Variants in STK3 observed in about 807,000 individuals in gnomAD.
STK3 encodes serine/threonine-protein kinase 3.
In STK3, 41 loss-of-function variants were observed where a neutral mutation model predicts 58.0. The observed-to-expected ratio is 0.71, with a 90% confidence interval of 0.55 to 0.92. The LOEUF (loss-of-function observed/expected upper bound fraction) is 0.92. Among genes scored for constraint, STK3 ranks in the 40% least tolerant of loss-of-function variants. STK3 has a pLI of 0.00. For synonymous variants in STK3, 170 were observed against 191.0 expected (o/e 0.89, Z 0.91); for missense variants, 479 against 602.7 (o/e 0.79, Z 2.15).
chr8:98,461,417 T>A (rs531002265), intron 10 of STK3, among the ~76,000 whole-genome samples: 1 of 152,228 alleles, frequency 6.6e-6, no homozygotes, highest in Non-Finnish European at 1.5e-5. Context: ...GATATGTGGT[T>A]TGTAATTTTT....
intron 3 of STK3, among the ~76,000 whole-genome samples, chr8:98,433,137 C>A (rs557393204): frequency 1.3e-5 from 2 of 151,996 alleles, no homozygotes; most frequent in African/African-American, 4.8e-5. Context: ...TTGGTAAAGG[C>A]GGAGTCCTAG....
At chr8:98,467,653 TTTAA>T (rs1018827281) in intron 10 of STK3, among the ~76,000 whole-genome samples, 2 of 152,080 alleles carry the variant, frequency 1.3e-5, no homozygotes, top group Non-Finnish European at 2.9e-5. Context: ...TTTCAGCATG[TTTAA>T]TTAATATTAC....
chr8:98,738,989 C>G (rs1408506488), intron 4 of STK3, among the ~76,000 whole-genome samples: 1 of 152,234 alleles, frequency 6.6e-6, no homozygotes, highest in Non-Finnish European at 1.5e-5. Flanking sequence ...TCACTGATTG[C>G]TAGCACAGCA....
chr8:98,887,401 C>T (rs1301082140), intron 1 of STK3, among the ~76,000 whole-genome samples: 2 of 152,090 alleles, frequency 1.3e-5, no homozygotes, highest in Non-Finnish European at 2.9e-5. Context: ...CCGAAAAAAT[C>T]CAAAATCCAA....
chr8:98,915,179 G>C (rs1327067491), intron 1 of STK3, among the ~76,000 whole-genome samples: 1 of 151,932 alleles, frequency 6.6e-6, no homozygotes, highest in Non-Finnish European at 1.5e-5. Flanking sequence ...CAGTGGGCTG[G>C]GAAAGGCAGA....
chr8:98,366,213 A>G, the STK3 span, among the ~76,000 whole-genome samples: 2 of 152,204 alleles, frequency 1.3e-5, no homozygotes, highest in South Asian at 4.1e-4. Context: ...GTTTAAACCA[A>G]ATACTCTCAC....
At chr8:98,884,033 G>A (rs1837892854) in intron 1 of STK3, among the ~76,000 whole-genome samples, 1 of 152,096 alleles carries the variant, frequency 6.6e-6, no homozygotes, top group African/African-American at 2.4e-5. Flanking sequence ...GTAAGCTCCG[G>A]ACAGCCAATG....
intron 7 of STK3, among the ~76,000 whole-genome samples, chr8:98,586,313 T>C (rs1814587936): frequency 6.6e-6 from 1 of 152,312 alleles, no homozygotes; most frequent in Middle Eastern, 3.4e-3. Flanking sequence ...TGAAGGGTGG[T>C]TGAATTTTGT....
chr8:98,690,653 A>G (rs1330988949), intron 6 of STK3, among the ~76,000 whole-genome samples: 2 of 152,204 alleles, frequency 1.3e-5, no homozygotes, highest in Admixed American at 1.3e-4. Context: ...TGCTATTCCT[A>G]TCAAACTACC....
intron 6 of STK3, chr8:98,603,176 ATAATAG>A (rs1017163073): frequency 6.6e-6 from 1 of 152,192 alleles, no homozygotes; most frequent in African/African-American, 2.4e-5. Context: ...CATCAAAATA[ATAATAG>A]TAATAATGAC....
intron 4 of STK3, among the ~76,000 whole-genome samples, chr8:98,734,279 G>A (rs1828413487): frequency 6.6e-6 from 1 of 152,104 alleles, no homozygotes; most frequent in Admixed American, 6.6e-5. Flanking sequence ...AAAGCACTAG[G>A]CAAATGTTAC....
intron 6 of STK3, among the ~76,000 whole-genome samples, chr8:98,686,887 A>C (rs1469824183): frequency 2.0e-5 from 3 of 152,180 alleles, no homozygotes; most frequent in Admixed American, 2.0e-4. Context: ...AAATAAAAAT[A>C]ATTTTTAAAA....
downstream of STK3, among the ~76,000 whole-genome samples, chr8:98,452,996 A>T (rs59425807): frequency 1.3e-3 from 125 of 96,748 alleles, no homozygotes; most frequent in Admixed American, 1.9e-3. Flanking sequence ...CTTGACCTCA[A>T]GTGATCTGCT....
intron 9 of STK3, among the ~76,000 whole-genome samples, chr8:98,537,471 T>C (rs1809860970): frequency 1.3e-5 from 2 of 152,210 alleles, no homozygotes; most frequent in African/African-American, 2.4e-5. Context: ...ACAGAGAGGA[T>C]GATGTTTCTG....
chr8:98,793,948 T>C (rs925756405), intron 1 of STK3, among the ~76,000 whole-genome samples: 1 of 152,152 alleles, frequency 6.6e-6, no homozygotes, highest in African/African-American at 2.4e-5. Context: ...TGAATGACTT[T>C]TGGGTAAACA....
intron 10 of STK3, among the ~76,000 whole-genome samples, chr8:98,479,035 G>A (rs1418075056): frequency 6.6e-6 from 1 of 152,186 alleles, no homozygotes; most frequent in Non-Finnish European, 1.5e-5. Context: ...TAGCAGTGGA[G>A]AAGATGCAGG....
intron 7 of STK3, among the ~76,000 whole-genome samples, chr8:98,591,634 G>A (rs1214180589): frequency 6.6e-6 from 1 of 152,120 alleles, no homozygotes; most frequent in Admixed American, 6.5e-5. Context: ...CAGTTATGTA[G>A]GGAAAGCATG....
chr8:98,861,301 A>C (rs1287305213), intron 3 of STK3, among the ~76,000 whole-genome samples: 1 of 149,054 alleles, frequency 6.7e-6, no homozygotes, highest in Admixed American at 6.7e-5. Flanking sequence ...TGTCATTAAC[A>C]TGTCACGTCT....
chr8:98,762,313 T>C (rs1209065265), intron 3 of STK3, among the ~76,000 whole-genome samples: 1 of 152,222 alleles, frequency 6.6e-6, no homozygotes, highest in Non-Finnish European at 1.5e-5. Context: ...TGGAGTGCAA[T>C]GGCACAGTCT....
Sources: allele counts gnomAD v4.1 joint callset (sites outside exome capture counted in the v4.1 genomes callset), GRCh38; gene constraint gnomAD v4.1.1; transcripts MANE v1.5; gene names NCBI Gene and HGNC (gene_info 2026-07-23, HGNC 2026-07-21).